SLC24A2: variants seen among roughly 807,000 people sequenced by gnomAD.
The protein encoded by SLC24A2 is solute carrier family 24 member 2.
SLC24A2 carries 36 observed loss-of-function variants against 62.0 expected under a neutral mutation model. That is an observed-to-expected ratio of 0.58 (90% CI 0.44 to 0.77). The LOEUF (loss-of-function observed/expected upper bound fraction) is 0.77, where lower values mean the gene tolerates loss of function less well. SLC24A2 is among the 30% of genes least tolerant of loss of function. The pLI is 0.00. For missense variants in SLC24A2, 846 were observed against 817.9 expected (o/e 1.03, Z -0.42); for synonymous variants, 358 against 294.0 (o/e 1.22, Z -2.23).
the SLC24A2 span, among the ~76,000 whole-genome samples, chr9:19,890,441 C>T: frequency 6.6e-6 from 1 of 152,230 alleles, no homozygotes; most frequent in East Asian, 1.9e-4. Flanking sequence ...CAATTTTCTG[C>T]CCTCATCCTG....
At chr9:19,516,510 C>CTGAAA in intron 10 of SLC24A2, 108 bp from the exon 11 acceptor site, 2 of 1,349,602 alleles carry the variant, frequency 1.5e-6, no homozygotes. Context: ...GAACTCTAAA[C>CTGAAA]TGAAAAGGGT....
At chr9:20,304,474 AAG>A in the SLC24A2 span, among the ~76,000 whole-genome samples, 2 of 152,236 alleles carry the variant, frequency 1.3e-5, no homozygotes, top group African/African-American at 4.8e-5. Context: ...TGTTTAAAAA[AAG>A]ACTTTTAACA....
At chr9:20,301,301 T>C in the SLC24A2 span, among the ~76,000 whole-genome samples, 1 of 152,318 alleles carries the variant, frequency 6.6e-6, no homozygotes, top group Middle Eastern at 3.4e-3. Context: ...TCACATCCAT[T>C]GTTGTCTGGG....
At chr9:20,186,421 T>A in the SLC24A2 span, among the ~76,000 whole-genome samples, 12 of 152,178 alleles carry the variant, frequency 7.9e-5, no homozygotes, top group East Asian at 1.5e-3. Flanking sequence ...ACGGACTCTC[T>A]CTTCACCATC....
chr9:19,725,924 C>G (rs1467873167), intron 2 of SLC24A2, among the ~76,000 whole-genome samples: 2 of 152,192 alleles, frequency 1.3e-5, no homozygotes, highest in East Asian at 1.9e-4. Context: ...AAACCCAATT[C>G]CTGCTCTGCC....
the SLC24A2 span, among the ~76,000 whole-genome samples, chr9:20,251,166 G>A: frequency 6.6e-6 from 1 of 152,206 alleles, no homozygotes; most frequent in East Asian, 1.9e-4. Flanking sequence ...GGAAAATCTT[G>A]AAGCCTACAT....
At chr9:19,620,126 T>C (rs1399442270) in intron 3 of SLC24A2, among the ~76,000 whole-genome samples, 1 of 152,208 alleles carries the variant, frequency 6.6e-6, no homozygotes, top group Non-Finnish European at 1.5e-5. Context: ...ATGACTATTC[T>C]CTAAACCAGT....
At chr9:19,686,842 T>C (rs182575217) in intron 2 of SLC24A2, among the ~76,000 whole-genome samples, 20 of 152,264 alleles carry the variant, frequency 1.3e-4, no homozygotes, top group Middle Eastern at 3.4e-3. Context: ...TGTATGTTCA[T>C]TGCAACACTA....
the SLC24A2 span, among the ~76,000 whole-genome samples, chr9:20,212,587 T>C: frequency 6.6e-6 from 1 of 151,734 alleles, no homozygotes; most frequent in African/African-American, 2.4e-5. Flanking sequence ...TATTATAGAA[T>C]TGGTAAATAA....
the SLC24A2 span, among the ~76,000 whole-genome samples, chr9:19,923,448 C>T: frequency 1.3e-5 from 2 of 152,178 alleles, no homozygotes; most frequent in East Asian, 3.8e-4. Context: ...AAAGCAGCCA[C>T]CCCTGCGCCC....
chr9:19,734,789 GATGGGTTTTCTAGCCAT>G (rs1296467229), intron 2 of SLC24A2, among the ~76,000 whole-genome samples: 1 of 60,754 alleles, frequency 1.6e-5, no homozygotes, highest in Non-Finnish European at 2.7e-5. Context: ...GGGCTGAGAT[GATGGGTTTTCTAGCCAT>G]ATGTAGAAAG....
the SLC24A2 span, among the ~76,000 whole-genome samples, chr9:20,058,723 G>A: frequency 6.6e-6 from 1 of 152,178 alleles, no homozygotes; most frequent in Non-Finnish European, 1.5e-5. Flanking sequence ...CTACGATTGA[G>A]TCACTATACT....
chr9:19,542,603 C>G (rs190950466), intron 8 of SLC24A2, among the ~76,000 whole-genome samples: 2 of 152,086 alleles, frequency 1.3e-5, no homozygotes, highest in East Asian at 1.9e-4. Flanking sequence ...TATTGAGATA[C>G]GTTCAATCAG....
chr9:20,163,795 T>G, the SLC24A2 span, among the ~76,000 whole-genome samples: 260 of 152,112 alleles, frequency 1.7e-3, 1 homozygote, highest in South Asian at 0.023. Context: ...TATAGACCAA[T>G]GGAACAGAAC....
the SLC24A2 span, among the ~76,000 whole-genome samples, chr9:20,048,532 C>T: frequency 6.6e-6 from 1 of 152,128 alleles, no homozygotes; most frequent in African/African-American, 2.4e-5. Flanking sequence ...GTTTTACAGG[C>T]TCACAAAGCT....
the SLC24A2 span, among the ~76,000 whole-genome samples, chr9:20,080,606 CA>C: frequency 6.6e-6 from 1 of 152,118 alleles, no homozygotes; most frequent in African/African-American, 2.4e-5. Context: ...GCAATGGCAA[CA>C]AAAGCCAAAA....
intron 10 of SLC24A2, among the ~76,000 whole-genome samples, chr9:19,517,215 G>A (rs994216761): frequency 3.9e-5 from 6 of 152,168 alleles, no homozygotes; most frequent in Non-Finnish European, 7.4e-5. Flanking sequence ...AAGATGGCTG[G>A]AAGTGCAAGG....
the SLC24A2 span, among the ~76,000 whole-genome samples, chr9:19,836,182 C>CA: frequency 6.6e-6 from 1 of 152,018 alleles, no homozygotes; most frequent in East Asian, 1.9e-4. Flanking sequence ...GAAGCAAGAG[C>CA]AAACACATTT....
chr9:19,932,983 G>C, the SLC24A2 span, among the ~76,000 whole-genome samples: 1 of 152,220 alleles, frequency 6.6e-6, no homozygotes, highest in Non-Finnish European at 1.5e-5. Flanking sequence ...TGGACTCCTT[G>C]GAATTTTTCT....
Sources: gnomAD v4.1 joint callset for allele counts (sites outside exome capture counted in the v4.1 genomes callset) on GRCh38, gnomAD v4.1.1 for gene constraint, MANE v1.5 for transcripts, NCBI Gene and HGNC (gene_info 2026-07-23, HGNC 2026-07-21) for gene names.